Variants in ACSL3 observed in about 807,000 individuals in gnomAD.
ACSL3 encodes fatty acid CoA ligase Acsl3.
ACSL3 carries 34 observed loss-of-function variants against 84.7 expected under a neutral mutation model. That is an observed-to-expected ratio of 0.40 (90% confidence interval 0.31 to 0.53). The LOEUF is 0.53. Among genes scored for constraint, ACSL3 ranks in the 20% least tolerant of loss-of-function variants. The pLI, the probability that ACSL3 is intolerant of heterozygous loss-of-function variation, is 0.48. For missense variants in ACSL3, 680 were observed against 873.1 expected (o/e 0.78, Z 2.79); for synonymous variants, 315 against 299.4 (o/e 1.05, Z -0.54).
intron 5 of ACSL3, 121 bp from the exon 6 acceptor site, chr2:222,917,925 G>T: frequency 1.5e-6 from 1 of 653,614 alleles, no homozygotes; most frequent in South Asian, 2.1e-5. Context: ...AACACTTATA[G>T]ACTGTGGATT....
chr2:222,899,469 T>G (rs185489115), intron 2 of ACSL3, among the ~76,000 whole-genome samples: 18 of 152,008 alleles, frequency 1.2e-4, no homozygotes, highest in Admixed American at 1.0e-3. Flanking sequence ...CGGGACTCTC[T>G]CTCAAAAAAG....
At chr2:222,916,628 C>A in intron 5 of ACSL3, 132 bp downstream of exon 5, 1 of 1,070,994 alleles carries the variant, frequency 9.3e-7, no homozygotes. Flanking sequence ...TCTGTTGTGA[C>A]TTGGAATTTT....
chr2:222,900,029 C>T (rs756794359), intron 2 of ACSL3, among the ~76,000 whole-genome samples: 2 of 152,136 alleles, frequency 1.3e-5, no homozygotes, highest in East Asian at 1.9e-4. Context: ...CTGGTTCAAA[C>T]GCCTCTGACA....
In ACSL3 at chr2:222,930,705, A is replaced by G. The variant is rs774709669; in HGVS notation, c.1625A>G (p.Asn542Ser). ...GQSVTMGYYK[N>S]EAKTKADFFE... ...AGTGTGACAATGGGGTACTACAAAA[A>G]TGAAGCAAAAACAAAAGCTGATTTC... The change falls in exon 14 of 17, where the codon AAT becomes AGT. Residue 542 changes from asparagine to serine, a missense_variant. Asn to Ser is a conservative substitution (Grantham distance 46). This residue lies in a region of ACSL3 where 347 missense variants were observed against 525.7 expected (regional missense o/e 0.66). Coordinates refer to ENST00000357430, the MANE Select transcript of ACSL3 (RefSeq NM_004457.5). The G allele has an allele frequency of 5.6e-6, 9 of 1,614,088 alleles. No individual in the cohort carries two copies. The Admixed American group carries it at 1.3e-4, about 24-fold the overall frequency.
intron 12 of ACSL3, 149 bp downstream of exon 12, chr2:222,927,338 C>G (rs1258308435): frequency 3.9e-6 from 3 of 770,870 alleles, no homozygotes; most frequent in Admixed American, 3.4e-5. Flanking sequence ...TCATTGATAT[C>G]AATTTTTAGA....
intron 1 of ACSL3, among the ~76,000 whole-genome samples, chr2:222,865,649 G>T (rs1695117024): frequency 6.6e-6 from 1 of 152,236 alleles, no homozygotes; most frequent in Non-Finnish European, 1.5e-5. Flanking sequence ...GAGAAAAAGT[G>T]CAGAGCAGGC....
chr2:222,929,637 G>A (rs1696970419), intron 13 of ACSL3, among the ~76,000 whole-genome samples: 1 of 151,964 alleles, frequency 6.6e-6, no homozygotes, highest in South Asian at 2.1e-4. Flanking sequence ...AATTAGCCAG[G>A]CGTGGTGGTG....
At chr2:222,874,293 G>A (rs956779036) in intron 1 of ACSL3, among the ~76,000 whole-genome samples, 1 of 152,206 alleles carries the variant, frequency 6.6e-6, no homozygotes, top group Non-Finnish European at 1.5e-5. Flanking sequence ...CCAAGGTGCT[G>A]GGATTACAGG....
intron 11 of ACSL3, among the ~76,000 whole-genome samples, chr2:222,925,978 A>AT: frequency 6.6e-6 from 1 of 152,178 alleles, no homozygotes; most frequent in Non-Finnish European, 1.5e-5. Context: ...GCTTCACATA[A>AT]TTTAGAACTT....
At chr2:222,905,681 G>T (rs372574905) in intron 3 of ACSL3, among the ~76,000 whole-genome samples, 1 of 151,992 alleles carries the variant, frequency 6.6e-6, no homozygotes, top group Non-Finnish European at 1.5e-5. Flanking sequence ...AAATTCCCTC[G>T]ACCAGTCTTT....
At chr2:222,880,564 C>T (rs1025439293) in intron 1 of ACSL3, among the ~76,000 whole-genome samples, 4 of 152,098 alleles carry the variant, frequency 2.6e-5, no homozygotes, top group Non-Finnish European at 4.4e-5. Flanking sequence ...CGCGGTGGCT[C>T]ATGCCTGTAA....
At chr2:222,889,478 C>T (rs1388865936) in intron 2 of ACSL3, among the ~76,000 whole-genome samples, 1 of 152,194 alleles carries the variant, frequency 6.6e-6, no homozygotes, top group African/African-American at 2.4e-5. Context: ...TCAACCTTTT[C>T]ACGTTTGGGA....
chr2:222,906,978 G>A (rs1696310478), intron 3 of ACSL3, among the ~76,000 whole-genome samples: 1 of 152,108 alleles, frequency 6.6e-6, no homozygotes, highest in East Asian at 1.9e-4. Context: ...AAATATAGTC[G>A]GTCTTAGAAA....
intron 2 of ACSL3, among the ~76,000 whole-genome samples, chr2:222,890,308 G>C (rs1695814111): frequency 6.6e-6 from 1 of 152,150 alleles, no homozygotes; most frequent in Non-Finnish European, 1.5e-5. Context: ...CTTACTGAAT[G>C]ATATATAAAT....
chr2:222,908,952 A>C lies in ACSL3; in HGVS notation c.180A>C (p.Val60=). ...EKSNRIKAKP[V]NSKPDSAYRS... is the part of the protein sequence containing the mutation. ...CAAACCGAATTAAAGCAAAGCCTGT[A>C]AATTCAAAACCTGATTCTGCATACA... The change falls in exon 4 of 17, where the codon GTA becomes GTC. Residue 60 remains valine, a synonymous_variant. Transcript: ENST00000357430. 5 of 1,613,564 alleles carry C rather than the reference A, an allele frequency of 3.1e-6. No individual in the cohort carries two copies. The highest frequency in any genetic ancestry group is 4.2e-6 in the Non-Finnish European group (5 of 1,179,784).
intron 2 of ACSL3, among the ~76,000 whole-genome samples, chr2:222,895,073 A>G (rs1695940612): frequency 6.6e-6 from 1 of 152,090 alleles, no homozygotes; most frequent in East Asian, 1.9e-4. Flanking sequence ...AGTGATTTCA[A>G]TATCGTTCTA....
chr2:222,879,391 A>G (rs917466028), intron 1 of ACSL3, among the ~76,000 whole-genome samples: 1 of 151,126 alleles, frequency 6.6e-6, no homozygotes, highest in Non-Finnish European at 1.5e-5. Context: ...TATCTACAAC[A>G]TTTTCATTGC....
intron 2 of ACSL3, among the ~76,000 whole-genome samples, chr2:222,896,440 C>T (rs1318024584): frequency 4.3e-5 from 1 of 23,002 alleles, no homozygotes; most frequent in Non-Finnish European, 9.3e-5. Context: ...CTCCCCCTCC[C>T]CCCTCCCGGA....
In ACSL3 at chr2:222,924,371, T is replaced by G. The variant is rs79879587; in HGVS notation, c.1153-85T>G. Reference sequence around the variant, plus strand: ...TACTTCTTTTAAAATGCCTTAATATTGCTAGAAATGTTAATCTAATGCTAA... The same window carrying G: ...TACTTCTTTTAAAATGCCTTAATATGGCTAGAAATGTTAATCTAATGCTAA... On this transcript the variant is annotated intron_variant, in intron 10 of 16. Transcript: ENST00000357430. 1,010 of 1,232,188 alleles carry G rather than the reference T, an allele frequency of 8.2e-4. 26 individuals carry two copies. In the East Asian group the frequency reaches 0.022, roughly 27 times the overall value. The allele number at this position is 1,232,188 out of a possible 1,614,324, so 76.3% of individuals were successfully genotyped here.
Sources: gnomAD v4.1 joint callset for allele counts (sites outside exome capture counted in the v4.1 genomes callset) on GRCh38, gnomAD v4.1.1 for gene constraint, gnomAD v4.1.1 regional missense constraint, MANE v1.5 for transcripts, NCBI Gene and HGNC (gene_info 2026-07-23, HGNC 2026-07-21) for gene names.